The following PTPRN2 variants were observed in gnomAD, a reference collection of about 807,000 sequenced individuals.
PTPRN2 encodes protein tyrosine phosphatase receptor type N2.
A neutral mutation model predicts 118.8 loss-of-function variants in PTPRN2; 74 were observed. That is an observed-to-expected ratio of 0.62 (90% confidence interval 0.52 to 0.76). The LOEUF is 0.76. PTPRN2 is among the 30% of genes least tolerant of loss of function. The pLI, the probability that PTPRN2 is intolerant of heterozygous loss-of-function variation, is 0.00. For synonymous variants in PTPRN2, 641 were observed against 608.0 expected (o/e 1.05, Z -0.80); for missense variants, 1,481 against 1,394.4 (o/e 1.06, Z -0.99).
At chr7:158,026,327 A>G (rs764319332) in intron 11 of PTPRN2, among the ~76,000 whole-genome samples, 9 of 152,134 alleles carry the variant, frequency 5.9e-5, no homozygotes, top group Non-Finnish European at 1.0e-4. Flanking sequence ...AGATGGTCTG[A>G]TCTGGTGGGC....
At chr7:158,289,584 T>G (rs1452018525) in intron 3 of PTPRN2, among the ~76,000 whole-genome samples, 1 of 152,266 alleles carries the variant, frequency 6.6e-6, no homozygotes, top group Non-Finnish European at 1.5e-5. Flanking sequence ...GAATTGTTTT[T>G]CTATATTTTC....
At chr7:158,047,249 A>G (rs1808947288) in intron 11 of PTPRN2, among the ~76,000 whole-genome samples, 1 of 152,268 alleles carries the variant, frequency 6.6e-6, no homozygotes, top group Non-Finnish European at 1.5e-5. Context: ...AGTCCAAAAA[A>G]GCCAGGCTGG....
chr7:158,502,039 C>T (rs922278041), intron 1 of PTPRN2, among the ~76,000 whole-genome samples: 1 of 152,166 alleles, frequency 6.6e-6, no homozygotes, highest in Non-Finnish European at 1.5e-5. Flanking sequence ...AACGCACCAT[C>T]CTCTCCTCGT....
At chr7:158,192,276 C>A (rs754973451) in intron 5 of PTPRN2, 51 bp downstream of exon 5, 2 of 1,419,248 alleles carry the variant, frequency 1.4e-6, no homozygotes, top group Admixed American at 6.4e-5. Context: ...CAGGTACCTG[C>A]ACCCTGAAGG....
intron 11 of PTPRN2, among the ~76,000 whole-genome samples, chr7:157,989,818 G>A (rs1383783215): frequency 1.3e-5 from 2 of 152,128 alleles, no homozygotes; most frequent in Non-Finnish European, 2.9e-5. Context: ...GGTCAGGGCA[G>A]GCCTTCTGCC....
At chr7:157,548,516 A>G (rs1798433935) in intron 22 of PTPRN2, among the ~76,000 whole-genome samples, 1 of 152,098 alleles carries the variant, frequency 6.6e-6, no homozygotes, top group Admixed American at 6.5e-5. Context: ...AGCATGAGGG[A>G]TTTTGGGTGC....
intron 12 of PTPRN2, among the ~76,000 whole-genome samples, chr7:157,762,556 G>A (rs1282245732): frequency 7.3e-6 from 1 of 136,194 alleles, no homozygotes; most frequent in Admixed American, 8.5e-5. Context: ...AGATCACATG[G>A]ACACAGGAAG....
chr7:158,449,307 G>A (rs536872483), intron 2 of PTPRN2, among the ~76,000 whole-genome samples: 1 of 152,340 alleles, frequency 6.6e-6, no homozygotes, highest in African/African-American at 2.4e-5. Context: ...GCAAGGGCTG[G>A]CCCAAGGGCA....
chr7:157,818,790 A>C (rs1263354234), intron 12 of PTPRN2, among the ~76,000 whole-genome samples: 2 of 152,168 alleles, frequency 1.3e-5, no homozygotes, highest in African/African-American at 4.8e-5. Context: ...GTGATTAATT[A>C]ATTCATTAAT....
At chr7:158,541,642 GCTATAATT>G in intron 1 of PTPRN2, 1 of 1,346,260 alleles carries the variant, frequency 7.4e-7, no homozygotes, top group Non-Finnish European at 9.8e-7. Context: ...GCAAAATCTG[GCTATAATT>G]CTACCAAGGT....
In PTPRN2 at chr7:158,316,807, C is replaced by T. The variant is rs374826213; in HGVS notation, c.277+12G>A. The stretch of plus-strand genomic sequence containing the variant: ...GCGGCAGCCGCCGAGCCTCGGCCCA[C>T]GCCCGCCCTACCTGTGCCGGAAAGC... On this transcript the variant is annotated intron_variant, in intron 3 of 22. Transcript: ENST00000389418. 1.5e-4 allele frequency: 235 copies of T among 1,584,244 alleles called. No homozygotes were observed. Among genetic ancestry groups the T allele is most frequent in the Non-Finnish European group, 1.9e-4 (219 of 1,170,490 alleles).
At chr7:158,491,964 A>T (rs1310961148) in intron 1 of PTPRN2, among the ~76,000 whole-genome samples, 1 of 152,172 alleles carries the variant, frequency 6.6e-6, no homozygotes, top group African/African-American at 2.4e-5. Flanking sequence ...GAACAGCAGG[A>T]GGAGAGGCAG....
At chr7:158,498,410 GTTTGT>G (rs1344629291) in intron 1 of PTPRN2, among the ~76,000 whole-genome samples, 1 of 150,912 alleles carries the variant, frequency 6.6e-6, no homozygotes, top group Non-Finnish European at 1.5e-5. Flanking sequence ...TACCAGAATT[GTTTGT>G]TTTATTTTTA....
chr7:158,262,427 TAC>T (rs1052358291), intron 3 of PTPRN2, among the ~76,000 whole-genome samples: 4 of 109,404 alleles, frequency 3.7e-5, no homozygotes, highest in African/African-American at 7.8e-5. Flanking sequence ...TTCACACACA[TAC>T]ACACATTCAC....
chr7:157,626,815 C>A (rs1180505358), intron 14 of PTPRN2, among the ~76,000 whole-genome samples: 1 of 152,184 alleles, frequency 6.6e-6, no homozygotes, highest in Non-Finnish European at 1.5e-5. Context: ...CAAAACACTG[C>A]CTTTGAATCT....
chr7:158,199,160 C>T (rs1826438328), intron 4 of PTPRN2, among the ~76,000 whole-genome samples: 1 of 152,172 alleles, frequency 6.6e-6, no homozygotes, highest in African/African-American at 2.4e-5. Flanking sequence ...TCCTGGTTCT[C>T]AGGTCCTCCT....
intron 12 of PTPRN2, among the ~76,000 whole-genome samples, chr7:157,743,238 A>G (rs781136772): frequency 6.6e-6 from 1 of 152,248 alleles, no homozygotes; most frequent in Non-Finnish European, 1.5e-5. Context: ...AGCAAAGGTC[A>G]GAGACTTAGA....
intron 22 of PTPRN2, among the ~76,000 whole-genome samples, chr7:157,542,666 C>G (rs1280652857): frequency 6.6e-6 from 1 of 152,178 alleles, no homozygotes. Context: ...GCACAGTCAC[C>G]GGACAGAGCA....
At chr7:158,491,050 T>C (rs1821408687) in intron 1 of PTPRN2, among the ~76,000 whole-genome samples, 1 of 152,210 alleles carries the variant, frequency 6.6e-6, no homozygotes, top group African/African-American at 2.4e-5. Flanking sequence ...CACGTTAAAG[T>C]TTCCAGTCAC....
Sources: allele counts gnomAD v4.1 joint callset (sites outside exome capture counted in the v4.1 genomes callset), GRCh38; gene constraint gnomAD v4.1.1; transcripts MANE v1.5; gene names NCBI Gene and HGNC (gene_info 2026-07-23, HGNC 2026-07-21).